Variants in CDC42SE2 observed in about 807,000 individuals in gnomAD.
CDC42SE2 encodes the protein CDC42 small effector 2.
A neutral mutation model predicts 11.5 loss-of-function variants in CDC42SE2; 3 were observed. The ratio of observed to expected loss-of-function variants is 0.26; its 90% CI spans 0.12 to 0.67. The LOEUF is 0.67. Ranked by LOEUF, CDC42SE2 falls within the 30% of genes least tolerant of loss-of-function variation. The pLI is 0.80. For missense variants in CDC42SE2, 82 were observed against 106.8 expected (o/e 0.77, Z 1.02); for synonymous variants, 33 against 34.8 (o/e 0.95, Z 0.18).
At chr5:131,302,401 A>G (rs538825178) in intron 1 of CDC42SE2, among the ~76,000 whole-genome samples, 1 of 152,160 alleles carries the variant, frequency 6.6e-6, no homozygotes, top group South Asian at 2.1e-4. Flanking sequence ...CTGGTCACGA[A>G]CTCCCGACCT....
intron 2 of CDC42SE2, among the ~76,000 whole-genome samples, chr5:131,322,794 C>T (rs1345525726): frequency 6.6e-6 from 1 of 152,168 alleles, no homozygotes; most frequent in East Asian, 1.9e-4. Context: ...GCTCTGCCTT[C>T]AGTTTTTCCA....
chr5:131,345,264 T>A (rs1304985269), intron 2 of CDC42SE2, among the ~76,000 whole-genome samples: 1 of 152,054 alleles, frequency 6.6e-6, no homozygotes, highest in Non-Finnish European at 1.5e-5. Flanking sequence ...TGAAAAAAGA[T>A]GAGACGAATG....
intron 2 of CDC42SE2, among the ~76,000 whole-genome samples, chr5:131,350,797 G>A (rs1758989742): frequency 1.3e-5 from 2 of 151,808 alleles, no homozygotes; most frequent in African/African-American, 4.8e-5. Flanking sequence ...AAAACTAAAA[G>A]CAATTTTGAA....
intron 2 of CDC42SE2, among the ~76,000 whole-genome samples, chr5:131,324,831 C>T (rs975329245): frequency 1.4e-4 from 22 of 152,046 alleles, no homozygotes; most frequent in African/African-American, 5.1e-4. Flanking sequence ...TTGTTCTTGG[C>T]CCACTCTTGG....
chr5:131,354,742 A>C (rs1273899246), intron 2 of CDC42SE2: 1 of 152,230 alleles, frequency 6.6e-6, no homozygotes, highest in African/African-American at 2.4e-5. Flanking sequence ...AATTCTCGTA[A>C]CAAAAAAGCA....
At chr5:131,291,505 T>C (rs933477672) in intron 1 of CDC42SE2, among the ~76,000 whole-genome samples, 4 of 152,192 alleles carry the variant, frequency 2.6e-5, no homozygotes, top group Non-Finnish European at 5.9e-5. Context: ...TTTTTTCTCC[T>C]TCCCTTGAAC....
the CDC42SE2 span, among the ~76,000 whole-genome samples, chr5:131,220,924 G>A: frequency 1.6e-4 from 21 of 128,216 alleles, no homozygotes; most frequent in Non-Finnish European, 2.7e-4. Context: ...TCACCCTGCC[G>A]CCTAGGCTAA....
At chr5:131,324,726 A>G (rs548732880) in intron 2 of CDC42SE2, among the ~76,000 whole-genome samples, 3 of 152,314 alleles carry the variant, frequency 2.0e-5, no homozygotes, top group South Asian at 2.1e-4. Flanking sequence ...TGCACATTCA[A>G]TAAGAGTAGC....
chr5:131,248,107 G>A (rs1190407765), intron 1 of CDC42SE2, among the ~76,000 whole-genome samples: 1 of 151,198 alleles, frequency 6.6e-6, no homozygotes, highest in African/African-American at 2.4e-5. Context: ...CCTTCTAAAT[G>A]GGAAAATATT....
intron 2 of CDC42SE2, among the ~76,000 whole-genome samples, chr5:131,343,072 G>GT (rs1422638980): frequency 2.6e-5 from 4 of 152,070 alleles, no homozygotes; most frequent in Non-Finnish European, 5.9e-5. Flanking sequence ...TTACAGGATG[G>GT]TTTTATTCAG....
chr5:131,353,321 G>A (rs959255149), intron 2 of CDC42SE2, among the ~76,000 whole-genome samples: 3 of 145,710 alleles, frequency 2.1e-5, no homozygotes, highest in Non-Finnish European at 1.5e-5. Context: ...TTGTTCTGTT[G>A]CCCGGGCTGG....
chr5:131,336,666 G>A (rs188433904), intron 2 of CDC42SE2, among the ~76,000 whole-genome samples: 9 of 152,116 alleles, frequency 5.9e-5, no homozygotes, highest in South Asian at 2.1e-4. Flanking sequence ...GGCTTTGTTC[G>A]TTTCTTTTTA....
At chr5:131,268,754 C>CTT (rs11370516) in intron 1 of CDC42SE2, among the ~76,000 whole-genome samples, 1,724 of 96,830 alleles carry the variant, frequency 0.018, 113 homozygotes, top group African/African-American at 0.038. Context: ...ACCCGGATTG[C>CTT]TTTTTTTTTT....
At chr5:131,341,226 C>G (rs1382977012) in intron 2 of CDC42SE2, among the ~76,000 whole-genome samples, 1 of 152,072 alleles carries the variant, frequency 6.6e-6, no homozygotes, top group Non-Finnish European at 1.5e-5. Flanking sequence ...GAAAAAGGAC[C>G]AAACCAAGTA....
At chr5:131,309,342 T>G (rs371335449) in intron 1 of CDC42SE2, among the ~76,000 whole-genome samples, 9 of 149,644 alleles carry the variant, frequency 6.0e-5, no homozygotes, top group South Asian at 2.1e-4. Flanking sequence ...GCTGGATTCG[T>G]TTTGCCAGTA....
upstream of CDC42SE2, among the ~76,000 whole-genome samples, chr5:131,259,108 A>G (rs1275953110): frequency 6.6e-6 from 1 of 151,728 alleles, no homozygotes; most frequent in East Asian, 1.9e-4. Context: ...ACAATTCCTG[A>G]TTTTTCTCAA....
chr5:131,313,173 G>A (rs951319136), intron 1 of CDC42SE2, among the ~76,000 whole-genome samples: 1 of 151,828 alleles, frequency 6.6e-6, no homozygotes, highest in African/African-American at 2.4e-5. Context: ...TAGTGGAGGC[G>A]GGGTTTTGCC....
chr5:131,366,863 C>CA (rs1369667874), intron 3 of CDC42SE2, among the ~76,000 whole-genome samples: 1 of 151,618 alleles, frequency 6.6e-6, no homozygotes, highest in African/African-American at 2.4e-5. Flanking sequence ...CTTGTCTCTA[C>CA]AAAAAATTTT....
intron 2 of CDC42SE2, among the ~76,000 whole-genome samples, chr5:131,355,160 A>G (rs904711042): frequency 1.3e-5 from 2 of 152,186 alleles, no homozygotes; most frequent in African/African-American, 4.8e-5. Flanking sequence ...GGGATATTCA[A>G]CCTGTATGCT....
Sources: gnomAD v4.1 joint callset for allele counts (sites outside exome capture counted in the v4.1 genomes callset) on GRCh38, gnomAD v4.1.1 for gene constraint, MANE v1.5 for transcripts, NCBI Gene and HGNC (gene_info 2026-07-23, HGNC 2026-07-21) for gene names.